The following ITGA2 variants were observed in gnomAD, a reference collection of about 807,000 sequenced individuals.
ITGA2 encodes integrin subunit alpha 2.
Under a neutral mutation model 146.3 loss-of-function variants are expected in ITGA2, and 101 were observed. That is an observed-to-expected ratio of 0.69 (90% CI 0.59 to 0.81). The LOEUF (loss-of-function observed/expected upper bound fraction) is 0.81. ITGA2 is among the 40% of genes least tolerant of loss of function. ITGA2 has a pLI of 0.00. For synonymous variants in ITGA2, 477 were observed against 487.1 expected, an observed-to-expected ratio of 0.98 and a Z score of 0.27; for missense variants, 1,281 against 1,402.7, an observed-to-expected ratio of 0.91 and a Z score of 1.39.
intron 13 of ITGA2, among the ~76,000 whole-genome samples, chr5:53,063,592 T>C (rs1194811290): frequency 6.6e-6 from 1 of 151,860 alleles, no homozygotes; most frequent in Non-Finnish European, 1.5e-5. Context: ...AAGGCACAGA[T>C]TGACATAGAA....
intron 1 of ITGA2, among the ~76,000 whole-genome samples, chr5:53,013,928 G>A (rs771407440): frequency 6.6e-6 from 1 of 152,072 alleles, no homozygotes; most frequent in Non-Finnish European, 1.5e-5. Flanking sequence ...GTATAGGAAT[G>A]CTACTGATTT....
At chr5:53,013,645 G>A (rs542742253) in intron 1 of ITGA2, among the ~76,000 whole-genome samples, 3 of 152,192 alleles carry the variant, frequency 2.0e-5, no homozygotes, top group African/African-American at 7.2e-5. Context: ...TGTGAAGAAT[G>A]TCATTAATAG....
At chr5:53,082,674 C>T (rs1054822893) in intron 26 of ITGA2, among the ~76,000 whole-genome samples, 1 of 152,150 alleles carries the variant, frequency 6.6e-6, no homozygotes, top group African/African-American at 2.4e-5. Flanking sequence ...ATTACTATAT[C>T]ATTATCAACC....
chr5:52,994,007 C>T (rs1741099185), intron 1 of ITGA2, among the ~76,000 whole-genome samples: 1 of 152,078 alleles, frequency 6.6e-6, no homozygotes, highest in South Asian at 2.1e-4. Flanking sequence ...AGAGTGGCTC[C>T]CTACAGGGGA....
chr5:53,033,451 G>A (rs894594987), intron 2 of ITGA2, among the ~76,000 whole-genome samples: 1 of 152,000 alleles, frequency 6.6e-6, no homozygotes, highest in South Asian at 2.1e-4. Context: ...TTATGATATA[G>A]CCTTTTAAAT....
chr5:52,989,474 GC>G lies in ITGA2; in HGVS notation c.8del (p.Pro3GlnfsTer15). 5.0e-6 allele frequency: 8 copies of G among 1,614,194 alleles called. No homozygotes were observed. Among genetic ancestry groups the G allele is most frequent in the Non-Finnish European group, 6.8e-6 (8 of 1,180,012 alleles). On this transcript the variant is annotated frameshift_variant, in exon 1 of 30. Coordinates refer to ENST00000296585, the MANE Select transcript of ITGA2 (RefSeq NM_002203.4). LOFTEE classifies it high-confidence loss of function. ...GTCCCCCGGTCAGACCCAGGATGGG[GC>G]CAGAACGGACAGGGGCCGCGCCGCT... MG[P>X]ERTGAAPLPL...
At chr5:53,059,850 A>C in intron 10 of ITGA2, 24 bp from the exon 11 acceptor site, 1 of 1,609,360 alleles carries the variant, frequency 6.2e-7, no homozygotes, top group Non-Finnish European at 8.5e-7. Context: ...TGTTTCAATG[A>C]TCTTCATTTT....
intron 2 of ITGA2, among the ~76,000 whole-genome samples, chr5:53,027,596 C>T (rs539546329): frequency 2.6e-4 from 39 of 152,306 alleles, no homozygotes; most frequent in Admixed American, 2.0e-3. Flanking sequence ...TGGGAAGAAG[C>T]GCTGTAGCTC....
At chr5:53,046,197 A>C (rs1244566830) in intron 4 of ITGA2, among the ~76,000 whole-genome samples, 4 of 21,938 alleles carry the variant, frequency 1.8e-4, no homozygotes, top group Non-Finnish European at 6.0e-4. Context: ...TCTGTCTCAA[A>C]AAAAAAAAAA....
rs1741819325 is a variant in ITGA2, at chr5:53,005,783, A to G, written c.64+16251A>G. Among the ~76,000 whole-genome samples the G allele has an allele frequency of 2.0e-5, 3 of 152,264 alleles. No homozygotes were observed. In the South Asian group the frequency reaches 6.2e-4, roughly 32 times the overall value. ...CCACAATGAGGTAAACATATACATG[A>G]TATCTATTTTACAGATGGGAAAGGA... On this transcript the variant is annotated intron_variant, in intron 1 of 29. Coordinates refer to ENST00000296585, the MANE Select transcript of ITGA2 (RefSeq NM_002203.4).
chr5:53,007,485 T>C (rs1561085624), intron 1 of ITGA2, among the ~76,000 whole-genome samples: 1 of 151,852 alleles, frequency 6.6e-6, no homozygotes, highest in Non-Finnish European at 1.5e-5. Context: ...AAATATGCTA[T>C]TTTGAGAGAG....
Position 53,051,623 on chromosome 5 carries a change from T to C in ITGA2, c.779+64T>C, listed in dbSNP as rs1744370723. On this transcript the variant is annotated intron_variant, in intron 7 of 29. Transcript: ENST00000296585. ...TAAAACATTATATTTATGTAATAAA[T>C]ATGAAAAAGTAAGGAAAAGACAAAG... 3 of 1,495,342 alleles carry C rather than the reference T, an allele frequency of 2.0e-6. No homozygotes were observed. The Admixed American group carries it at 5.1e-5, about 25-fold the overall frequency. 92.6% of individuals were successfully genotyped at this position (1,495,342 alleles called of 1,614,324 possible). A position where few individuals can be genotyped will look rare whatever the true frequency, so the allele number is the denominator to read the frequency against.
chr5:52,997,074 C>A (rs1200083034), intron 1 of ITGA2, among the ~76,000 whole-genome samples: 1 of 152,168 alleles, frequency 6.6e-6, no homozygotes, highest in Non-Finnish European at 1.5e-5. Context: ...AGTGTTTTAT[C>A]CAGTCTATGC....
At chr5:53,025,636 T>C (rs1011213100) in intron 1 of ITGA2, among the ~76,000 whole-genome samples, 5 of 152,216 alleles carry the variant, frequency 3.3e-5, no homozygotes, top group Non-Finnish European at 7.3e-5. Context: ...TTCCGGCCTT[T>C]CAGTGCCTAA....
chr5:53,002,972 A>G (rs556537791), intron 1 of ITGA2, among the ~76,000 whole-genome samples: 2 of 152,320 alleles, frequency 1.3e-5, no homozygotes, highest in South Asian at 4.1e-4. Flanking sequence ...AGGGTATTCT[A>G]GAAATTTGAG....
chr5:53,084,558 G>A (rs376256122), intron 27 of ITGA2, among the ~76,000 whole-genome samples: 2 of 152,302 alleles, frequency 1.3e-5, no homozygotes, highest in East Asian at 3.9e-4. Flanking sequence ...GAAGTGAGGA[G>A]TTGAATATTT....
At chr5:52,990,956 T>G (rs762192104) in intron 1 of ITGA2, among the ~76,000 whole-genome samples, 12 of 152,178 alleles carry the variant, frequency 7.9e-5, no homozygotes, top group African/African-American at 1.2e-4. Context: ...TCTCTGTAAT[T>G]ACCCAGTATT....
At chr5:53,047,953 G>A (rs567458680) in intron 4 of ITGA2, among the ~76,000 whole-genome samples, 1 of 152,312 alleles carries the variant, frequency 6.6e-6, no homozygotes. Flanking sequence ...AATCTTAAAA[G>A]ATAGAATGTG....
In ITGA2 at chr5:53,091,314, T is replaced by C. The variant is rs933107581; in HGVS notation, c.*715T>C. The C allele has an allele frequency of 2.6e-5, 4 of 152,970 alleles. No homozygotes were observed. The highest frequency in any genetic ancestry group is 1.9e-4 in the East Asian group (1 of 5,198). 9.5% of individuals were successfully genotyped at this position (152,970 alleles called of 1,614,324 possible). A position where few individuals can be genotyped will look rare whatever the true frequency, so the allele number is the denominator to read the frequency against. On this transcript the variant is annotated 3_prime_UTR_variant, in exon 30 of 30. Coordinates refer to ENST00000296585, the MANE Select transcript of ITGA2 (RefSeq NM_002203.4). Reference sequence around the variant, plus strand: ...ATTTAAGTTAGGAGAGGGGGCGATATAGAGAATAAGGCACAAAATTTTGTT... The same window carrying C: ...ATTTAAGTTAGGAGAGGGGGCGATACAGAGAATAAGGCACAAAATTTTGTT...
Sources: allele counts gnomAD v4.1 joint callset (sites outside exome capture counted in the v4.1 genomes callset), GRCh38; gene constraint gnomAD v4.1.1; transcripts MANE v1.5; gene names NCBI Gene and HGNC (gene_info 2026-07-23, HGNC 2026-07-21).